The following COL24A1 variants were observed in gnomAD, a reference collection of about 807,000 sequenced individuals.
COL24A1 encodes the protein collagen type XXIV alpha 1 chain, also known as collagen alpha-1(XXIV) chain.
A neutral mutation model predicts 253.9 loss-of-function variants in COL24A1; 224 were observed. The observed-to-expected ratio is 0.88, with a 90% CI of 0.79 to 0.99. The LOEUF (loss-of-function observed/expected upper bound fraction) is 0.99. COL24A1 is among the 50% of genes least tolerant of loss of function. COL24A1 has a pLI of 0.00. For synonymous variants in COL24A1, 685 were observed against 673.7 expected (o/e 1.02, Z -0.26); for missense variants, 2,131 against 2,068.5 (o/e 1.03, Z -0.59).
chr1:86,100,647 G>C (rs1366808210), intron 5 of COL24A1, among the ~76,000 whole-genome samples: 1 of 152,028 alleles, frequency 6.6e-6, no homozygotes, highest in African/African-American at 2.4e-5. Flanking sequence ...TTCAGCATTG[G>C]GGTCTGGTCA....
chr1:85,945,028 T>TTTTG (rs1689193535), intron 24 of COL24A1, among the ~76,000 whole-genome samples: 1 of 121,304 alleles, frequency 8.2e-6, no homozygotes, highest in Non-Finnish European at 1.7e-5. Context: ...TTTTTTTTTT[T>TTTTG]TTTTTTTGAG....
Position 85,839,933 on chromosome 1 carries a change from C to G in COL24A1, c.3627+1289G>C, listed in dbSNP as rs185619170. 6.3e-3 allele frequency among the ~76,000 whole-genome samples: 964 copies of G among 152,196 alleles called. 10 individuals carry two copies. The highest frequency in any genetic ancestry group is 0.022 in the African/African-American group (927 of 41,550). On this transcript the variant is annotated intron_variant, in intron 42 of 59. Coordinates refer to ENST00000370571, the MANE Select transcript of COL24A1 (RefSeq NM_152890.7). ...ATCAGCACCCACTAGGACCTACCATCTGAACAAAAACTTAAATTGAAATTA... is the reference window on the plus strand; with the variant it reads ...ATCAGCACCCACTAGGACCTACCATGTGAACAAAAACTTAAATTGAAATTA...
chr1:85,759,579 G>A (rs374270661), intron 55 of COL24A1, among the ~76,000 whole-genome samples: 2 of 152,112 alleles, frequency 1.3e-5, no homozygotes, highest in East Asian at 3.9e-4. Flanking sequence ...TATTGGCCAA[G>A]AAGGAATACA....
intron 47 of COL24A1, among the ~76,000 whole-genome samples, chr1:85,809,978 AC>A (rs1235095036): frequency 6.6e-6 from 1 of 151,664 alleles, no homozygotes; most frequent in Non-Finnish European, 1.5e-5. Context: ...CTTCCACCAA[AC>A]CCTGGCAGCC....
chr1:85,782,411 A>T (rs1288001771), intron 51 of COL24A1, among the ~76,000 whole-genome samples: 2 of 152,148 alleles, frequency 1.3e-5, no homozygotes, highest in African/African-American at 4.8e-5. Flanking sequence ...TTAAAATTAT[A>T]CTTTAAGTTT....
At chr1:85,865,622 G>A (rs903089186) in intron 37 of COL24A1, among the ~76,000 whole-genome samples, 2 of 152,078 alleles carry the variant, frequency 1.3e-5, no homozygotes, top group Non-Finnish European at 2.9e-5. Flanking sequence ...GTATTCTACG[G>A]TATATGTTTA....
At chr1:85,918,985 A>G (rs141028741) in intron 24 of COL24A1, among the ~76,000 whole-genome samples, 20 of 152,262 alleles carry the variant, frequency 1.3e-4, no homozygotes, top group African/African-American at 4.6e-4. Flanking sequence ...CCTGCATCTT[A>G]TTAATGTCAT....
At chr1:86,126,418 A>G (rs778035770) in intron 2 of COL24A1, among the ~76,000 whole-genome samples, 1 of 151,944 alleles carries the variant, frequency 6.6e-6, no homozygotes, top group Non-Finnish European at 1.5e-5. Context: ...AATAAAGTAC[A>G]TGCCCCTCCC....
intron 8 of COL24A1, among the ~76,000 whole-genome samples, chr1:86,060,690 A>G (rs1004958944): frequency 1.3e-5 from 2 of 152,006 alleles, no homozygotes; most frequent in Admixed American, 6.6e-5. Flanking sequence ...TACATCTATG[A>G]GATACACTTT....
At chr1:85,798,612 T>A (rs938577731) in intron 47 of COL24A1, among the ~76,000 whole-genome samples, 7 of 152,176 alleles carry the variant, frequency 4.6e-5, no homozygotes, top group Admixed American at 3.9e-4. Flanking sequence ...GGTAGCTGGA[T>A]TTCCTAATAG....
intron 24 of COL24A1, among the ~76,000 whole-genome samples, chr1:85,952,481 A>G (rs1265705656): frequency 2.0e-5 from 3 of 152,244 alleles, no homozygotes; most frequent in Non-Finnish European, 4.4e-5. Context: ...CTGATTTGAG[A>G]GTAAGAGTTG....
At position 85,791,690 on chromosome 1, in the gene COL24A1, C is replaced by T. The variant is rs141045502; in HGVS notation, c.3952-5229G>A. 3.9e-5 allele frequency among the ~76,000 whole-genome samples: 6 copies of T among 152,006 alleles called. No individual in the cohort carries two copies. The East Asian group carries it at 7.7e-4, about 19-fold the overall frequency. ...ATCAGTATATTCAATGAAAATCATA[C>T]GCTCATGAATTGCAGCATTTGGCAG... On this transcript the variant is annotated intron_variant, in intron 47 of 59. Transcript: ENST00000370571.
intron 7 of COL24A1, among the ~76,000 whole-genome samples, chr1:86,082,792 T>C (rs1283922510): frequency 6.6e-6 from 1 of 151,038 alleles, no homozygotes; most frequent in Non-Finnish European, 1.5e-5. Context: ...CCTGAAATGC[T>C]TGGGACCAGA....
Position 85,829,328 on chromosome 1 carries a change from C to T in COL24A1, c.3682-5590G>A, listed in dbSNP as rs915435533. Among the ~76,000 whole-genome samples, 16 of 151,656 alleles carry T rather than the reference C, an allele frequency of 1.1e-4. No homozygotes were observed. In the Admixed American group the frequency reaches 1.1e-3, roughly 10 times the overall value. On this transcript the variant is annotated intron_variant, in intron 43 of 59. Transcript: ENST00000370571. ...GATGGGCTTTCCTTTGTGGGTAACCCGACCTTTCTCTCTGGCTGCCCTTAA... is the reference window on the plus strand; with the variant it reads ...GATGGGCTTTCCTTTGTGGGTAACCTGACCTTTCTCTCTGGCTGCCCTTAA...
chr1:85,828,191 T>C (rs1039085426), intron 43 of COL24A1, among the ~76,000 whole-genome samples: 22 of 150,850 alleles, frequency 1.5e-4, no homozygotes, highest in Non-Finnish European at 2.1e-4. Context: ...CCAGTAGTCA[T>C]TCAGGAGCAG....
chr1:85,855,433 T>C (rs964666342), intron 37 of COL24A1, among the ~76,000 whole-genome samples: 2 of 152,198 alleles, frequency 1.3e-5, no homozygotes, highest in African/African-American at 4.8e-5. Flanking sequence ...CACGTTGAAT[T>C]TTATTGAAAG....
intron 52 of COL24A1, among the ~76,000 whole-genome samples, chr1:85,780,852 A>G (rs1003498048): frequency 1.3e-5 from 2 of 152,120 alleles, no homozygotes; most frequent in Admixed American, 1.3e-4. Context: ...CTTCCTTTAT[A>G]GTGGGTACTT....
At chr1:85,885,597 G>T (rs1682405490) in intron 32 of COL24A1, among the ~76,000 whole-genome samples, 1 of 151,736 alleles carries the variant, frequency 6.6e-6, no homozygotes, top group African/African-American at 2.4e-5. Context: ...AATTTATTTT[G>T]GAATAGAGCA....
intron 20 of COL24A1, 103 bp downstream of exon 20, chr1:85,987,498 C>A: frequency 9.8e-7 from 1 of 1,017,400 alleles, no homozygotes; most frequent in Non-Finnish European, 1.5e-6. Context: ...TTAAAAATAT[C>A]CAGAAATGTT....
Sources: allele counts gnomAD v4.1 joint callset (sites outside exome capture counted in the v4.1 genomes callset), GRCh38; gene constraint gnomAD v4.1.1; transcripts MANE v1.5; gene names NCBI Gene and HGNC (gene_info 2026-07-23, HGNC 2026-07-21).